The following GRM7 variants were observed in gnomAD, a reference collection of about 807,000 sequenced individuals.
GRM7 encodes the protein metabotropic glutamate receptor 7.
GRM7 carries 35 observed loss-of-function variants against 84.5 expected under a neutral mutation model. The ratio of observed to expected loss-of-function variants is 0.41; its 90% confidence interval spans 0.32 to 0.55. The LOEUF (loss-of-function observed/expected upper bound fraction) is 0.55. GRM7 is among the 20% of genes least tolerant of loss of function. The pLI, the probability that GRM7 is intolerant of heterozygous loss-of-function variation, is 0.19. For synonymous variants in GRM7, 487 were observed against 455.1 expected (o/e 1.07, Z -0.89); for missense variants, 1,003 against 1,194.6 (o/e 0.84, Z 2.36).
At chr3:7,682,401 A>G (rs1255223719) in intron 9 of GRM7, 1 of 151,844 alleles carries the variant, frequency 6.6e-6, no homozygotes, top group Non-Finnish European at 1.5e-5. Flanking sequence ...ATATGTGTGC[A>G]TCTATTATAC....
At chr3:6,904,594 A>G (rs1013432977) in intron 1 of GRM7, among the ~76,000 whole-genome samples, 8 of 152,182 alleles carry the variant, frequency 5.3e-5, no homozygotes, top group Non-Finnish European at 1.0e-4. Flanking sequence ...CAACAGGACT[A>G]TGATGCTACC....
At chr3:7,111,330 G>T (rs1235296556) in intron 1 of GRM7, among the ~76,000 whole-genome samples, 1 of 152,118 alleles carries the variant, frequency 6.6e-6, no homozygotes, top group Non-Finnish European at 1.5e-5. Flanking sequence ...CATGGCTAGA[G>T]GCCAGCATTG....
chr3:7,144,146 C>T (rs1388315318), intron 1 of GRM7, among the ~76,000 whole-genome samples: 1 of 152,134 alleles, frequency 6.6e-6, no homozygotes, highest in African/African-American at 2.4e-5. Context: ...CATTAATCTA[C>T]TGGCCTTCCT....
At chr3:7,702,449 A>T (rs368577608) in intron 9 of GRM7, among the ~76,000 whole-genome samples, 2 of 152,190 alleles carry the variant, frequency 1.3e-5, no homozygotes, top group East Asian at 1.9e-4. Flanking sequence ...CCTAACCCCT[A>T]TGGCAGATAT....
At chr3:7,396,989 A>T (rs1695237635) in intron 4 of GRM7, among the ~76,000 whole-genome samples, 1 of 152,100 alleles carries the variant, frequency 6.6e-6, no homozygotes, top group African/African-American at 2.4e-5. Context: ...TTCCTTGAAC[A>T]TTCAAGGAAG....
At chr3:6,966,452 C>T (rs1213307888) in intron 1 of GRM7, among the ~76,000 whole-genome samples, 16 of 152,132 alleles carry the variant, frequency 1.1e-4, no homozygotes, top group African/African-American at 2.9e-4. Context: ...TATATTTTTG[C>T]AGTTTATATT....
intron 7 of GRM7, among the ~76,000 whole-genome samples, chr3:7,516,008 A>G (rs1700362823): frequency 1.3e-5 from 2 of 151,784 alleles, no homozygotes; most frequent in Non-Finnish European, 2.9e-5. Flanking sequence ...AATAGTAACA[A>G]ATAAAAAAAT....
At chr3:6,988,254 CT>C (rs1034254521) in intron 1 of GRM7, among the ~76,000 whole-genome samples, 4 of 148,932 alleles carry the variant, frequency 2.7e-5, no homozygotes, top group African/African-American at 1.0e-4. Flanking sequence ...CATGATCTGC[CT>C]GCCTCGGCCT....
intron 2 of GRM7, among the ~76,000 whole-genome samples, chr3:7,193,219 C>T (rs2125106979): frequency 6.6e-6 from 1 of 152,140 alleles, no homozygotes; most frequent in South Asian, 2.1e-4. Context: ...AGGTAGATAG[C>T]TGAATGAATG....
At chr3:7,327,767 A>G (rs1014643036) in intron 4 of GRM7, among the ~76,000 whole-genome samples, 8 of 152,200 alleles carry the variant, frequency 5.3e-5, no homozygotes, top group Non-Finnish European at 8.8e-5. Context: ...AGATGTCATA[A>G]TATTTGCATG....
chr3:7,561,354 G>A (rs143704379), intron 7 of GRM7: 2 of 331,824 alleles, frequency 6.0e-6, no homozygotes, highest in Non-Finnish European at 1.2e-5. Context: ...CTGTGATGCT[G>A]AGATCCTATT....
chr3:7,592,565 C>T (rs931274766), intron 8 of GRM7, among the ~76,000 whole-genome samples: 1 of 152,178 alleles, frequency 6.6e-6, no homozygotes, highest in Non-Finnish European at 1.5e-5. Flanking sequence ...GACTGGACGA[C>T]ATGCAGAGCC....
intron 1 of GRM7, among the ~76,000 whole-genome samples, chr3:7,092,032 G>T (rs1698683155): frequency 6.6e-6 from 1 of 151,838 alleles, no homozygotes; most frequent in African/African-American, 2.4e-5. Context: ...ATTTTGAGAT[G>T]GAATCTCACT....
rs1697759912 is a variant in GRM7 at position 6,938,281 on chromosome 3, TCATAAACA to T, written c.519+76378_519+76385del. Among the ~76,000 whole-genome samples the T allele has an allele frequency of 3.3e-5, 5 of 152,320 alleles. No homozygotes were observed. The South Asian group carries it at 1.0e-3, about 32-fold the overall frequency. Reference sequence around the variant, plus strand: ...ATTGTTATTATCAACTTCTTTCCCATCATAAACACATTTGACAAATAAAATTCACTTGT... The same window carrying T: ...ATTGTTATTATCAACTTCTTTCCCATCATTTGACAAATAAAATTCACTTGT... On this transcript the variant is annotated intron_variant, in intron 1 of 9. Coordinates refer to ENST00000357716, the MANE Select transcript of GRM7 (RefSeq NM_000844.4).
In GRM7 at chr3:7,354,830, A is replaced by G. The variant is rs374390861; in HGVS notation, c.1033+48178A>G. The stretch of plus-strand genomic sequence containing the variant: ...TGATTTAACAAATGCCGTTTGCTCC[A>G]TATCTGCCTATAAGGCGCATCAGGA... On this transcript the variant is annotated intron_variant, in intron 4 of 9. Coordinates refer to ENST00000357716, the MANE Select transcript of GRM7 (RefSeq NM_000844.4). Among the ~76,000 whole-genome samples the G allele has an allele frequency of 1.1e-3, 162 of 152,314 alleles. 2 individuals are homozygous for G. The highest frequency in any genetic ancestry group is 0.01 in the East Asian group (53 of 5,170).
intron 2 of GRM7, among the ~76,000 whole-genome samples, chr3:7,223,432 C>T (rs1696876432): frequency 6.6e-6 from 1 of 151,972 alleles, no homozygotes; most frequent in Admixed American, 6.6e-5. Context: ...TCTTCTAGTT[C>T]ATTTCTCATT....
At chr3:7,448,961 A>T (rs1442484448) in intron 5 of GRM7, among the ~76,000 whole-genome samples, 1 of 151,398 alleles carries the variant, frequency 6.6e-6, no homozygotes, top group Non-Finnish European at 1.5e-5. Flanking sequence ...GCCTTTTCTA[A>T]GTTCTATAAA....
intron 7 of GRM7, among the ~76,000 whole-genome samples, chr3:7,473,953 A>G (rs974529443): frequency 4.6e-5 from 7 of 152,122 alleles, no homozygotes; most frequent in Non-Finnish European, 1.5e-5. Flanking sequence ...CCTTCATGCT[A>G]TTTAGCTGGG....
intron 2 of GRM7, among the ~76,000 whole-genome samples, chr3:7,247,617 A>G (rs1697820070): frequency 6.6e-6 from 1 of 150,584 alleles, no homozygotes; most frequent in Admixed American, 6.6e-5. Flanking sequence ...AAAAAAAAAA[A>G]AAAGAAGAAG....
Sources: allele counts gnomAD v4.1 joint callset (sites outside exome capture counted in the v4.1 genomes callset), GRCh38; gene constraint gnomAD v4.1.1; transcripts MANE v1.5; gene names NCBI Gene and HGNC (gene_info 2026-07-23, HGNC 2026-07-21).